AP1AR: variants seen among roughly 807,000 people sequenced by gnomAD.
AP1AR encodes AP-1 complex-associated regulatory protein.
A neutral mutation model predicts 46.3 loss-of-function variants in AP1AR; 29 were observed. The observed-to-expected ratio is 0.63, with a 90% CI of 0.47 to 0.85. AP1AR has a LOEUF of 0.85. Ranked by LOEUF, AP1AR falls within the 40% of genes least tolerant of loss-of-function variation. AP1AR has a pLI of 0.00. For missense variants in AP1AR, 357 were observed against 356.3 expected, an observed-to-expected ratio of 1.00 and a Z score of -0.02; for synonymous variants, 122 against 122.9, an observed-to-expected ratio of 0.99 and a Z score of 0.05.
chr4:112,244,124 G>A (rs1725624153), intron 1 of AP1AR, among the ~76,000 whole-genome samples: 1 of 152,100 alleles, frequency 6.6e-6, no homozygotes, highest in Non-Finnish European at 1.5e-5. Context: ...TGTAAGACTA[G>A]AACAACGTTT....
intron 4 of AP1AR, among the ~76,000 whole-genome samples, chr4:112,259,623 C>T (rs76466046): frequency 0.029 from 4,400 of 152,158 alleles, 191 homozygotes; most frequent in East Asian, 0.16. Flanking sequence ...GAGGTTTTTT[C>T]CTTAGTTTCT....
chr4:112,258,861 C>T (rs76173198), intron 4 of AP1AR, among the ~76,000 whole-genome samples: 8,554 of 152,064 alleles, frequency 0.056, 307 homozygotes, highest in Non-Finnish European at 0.086. Context: ...TAATATATAA[C>T]TAGGGCTAGC....
intron 1 of AP1AR, among the ~76,000 whole-genome samples, chr4:112,233,947 C>T (rs1237509019): frequency 1.3e-5 from 2 of 152,224 alleles, no homozygotes; most frequent in African/African-American, 2.4e-5. Flanking sequence ...CAACCTTCGC[C>T]TCCCGGGTTC....
chr4:112,239,654 T>C (rs1725396742), intron 1 of AP1AR, among the ~76,000 whole-genome samples: 1 of 152,246 alleles, frequency 6.6e-6, no homozygotes, highest in Admixed American at 6.5e-5. Context: ...TGCTGCCACA[T>C]TAATCCAGGC....
At chr4:112,237,304 C>T (rs1485277503) in intron 1 of AP1AR, among the ~76,000 whole-genome samples, 3 of 152,024 alleles carry the variant, frequency 2.0e-5, no homozygotes, top group South Asian at 2.1e-4. Flanking sequence ...GACGGGGTTT[C>T]GCCATGTTGG....
In AP1AR at chr4:112,270,052, G is replaced by C. The variant is rs981680691; in HGVS notation, c.*1643G>C. The stretch of plus-strand genomic sequence containing the variant: ...AATAAACACATTTTTACACTTAAAG[G>C]TAATAAGTTATTTGACTATTATTGG... On this transcript the variant is annotated 3_prime_UTR_variant, in exon 10 of 10. Coordinates refer to ENST00000274000, the MANE Select transcript of AP1AR (RefSeq NM_018569.6). The C allele has an allele frequency of 6.6e-6, 1 of 152,576 alleles. No homozygotes were observed. Among genetic ancestry groups the C allele is most frequent in the East Asian group, 1.9e-4 (1 of 5,182 alleles). The allele number at this position is 152,576 out of a possible 1,614,324, so 9.5% of individuals were successfully genotyped here. A position where few individuals can be genotyped will look rare whatever the true frequency, so the allele number is the denominator to read the frequency against.
Position 112,271,108 on chromosome 4 carries a change from T to C in AP1AR, c.*2699T>C, listed in dbSNP as rs1362909917. On this transcript the variant is annotated 3_prime_UTR_variant, in exon 10 of 10. Transcript: ENST00000274000. ...TACTGTAGGGGTAACACATCTGGCA[T>C]GGTGCCGTGGCTACCTTGCTCACTG... 6.6e-6 allele frequency among the ~76,000 whole-genome samples: 1 copy of C among 152,174 alleles called. No individual in the cohort carries two copies. The highest frequency in any genetic ancestry group is 1.5e-5 in the Non-Finnish European group (1 of 68,024).
chr4:112,260,697 T>C, intron 4 of AP1AR, 69 bp from the exon 5 acceptor site: 1 of 997,512 alleles, frequency 1.0e-6, no homozygotes, highest in Non-Finnish European at 1.4e-6. Context: ...TTTTTGAGTG[T>C]TTTATTTGGA....
intron 1 of AP1AR, 90 bp downstream of exon 1, chr4:112,232,264 G>A (rs1725044489): frequency 1.7e-6 from 2 of 1,154,274 alleles, no homozygotes; most frequent in African/African-American, 3.2e-5. Context: ...CCGGCGGCTG[G>A]AGGTGGCGGT....
At chr4:112,241,852 T>G (rs959854734) in intron 1 of AP1AR, among the ~76,000 whole-genome samples, 7 of 152,190 alleles carry the variant, frequency 4.6e-5, no homozygotes, top group Admixed American at 4.6e-4. Flanking sequence ...TTGTAATACT[T>G]TTTGCCAGGC....
chr4:112,242,266 A>G (rs1183891624), intron 1 of AP1AR, among the ~76,000 whole-genome samples: 1 of 152,176 alleles, frequency 6.6e-6, no homozygotes, highest in Non-Finnish European at 1.5e-5. Context: ...AAGTATCTCC[A>G]CTTTTGTACC....
At chr4:112,255,617 C>G (rs897943689) in intron 3 of AP1AR, among the ~76,000 whole-genome samples, 4 of 152,118 alleles carry the variant, frequency 2.6e-5, no homozygotes, top group Non-Finnish European at 4.4e-5. Flanking sequence ...GTCAGATTTT[C>G]TACATGTTTA....
chr4:112,255,290 C>G (rs1032212169), intron 3 of AP1AR, among the ~76,000 whole-genome samples: 2 of 151,078 alleles, frequency 1.3e-5, no homozygotes, highest in Non-Finnish European at 3.0e-5. Context: ...CTAAGATACA[C>G]TATATACACA....
At chr4:112,240,340 T>C (rs1001984526) in intron 1 of AP1AR, among the ~76,000 whole-genome samples, 2 of 152,224 alleles carry the variant, frequency 1.3e-5, no homozygotes, top group African/African-American at 4.8e-5. Flanking sequence ...CAAAACCATC[T>C]CCTACCCTCC....
chr4:112,232,546 C>T (rs1234175333), intron 1 of AP1AR, among the ~76,000 whole-genome samples: 1 of 152,244 alleles, frequency 6.6e-6, no homozygotes, highest in Non-Finnish European at 1.5e-5. Flanking sequence ...AACGCCAAAG[C>T]TAGTATCCCT....
In AP1AR at chr4:112,242,341, G is replaced by A. The variant is rs915162042; in HGVS notation, c.83+10167G>A. 3.3e-5 allele frequency among the ~76,000 whole-genome samples: 5 copies of A among 152,164 alleles called. No homozygotes were observed. In the East Asian group the frequency reaches 9.6e-4, roughly 29 times the overall value. On this transcript the variant is annotated intron_variant, in intron 1 of 9. Transcript: ENST00000274000. The stretch of plus-strand genomic sequence containing the variant: ...CCATCGTTCAGAGTATTATTCTCCA[G>A]GAACCAGTCATAGCCTTTCTTTTCT...
intron 4 of AP1AR, among the ~76,000 whole-genome samples, chr4:112,258,910 C>A (rs752530776): frequency 7.9e-5 from 12 of 152,048 alleles, no homozygotes; most frequent in Non-Finnish European, 1.8e-4. Flanking sequence ...GGAGATAATA[C>A]CTATAAATGG....
At chr4:112,249,151 G>T (rs1054033139) in intron 1 of AP1AR, among the ~76,000 whole-genome samples, 1 of 152,032 alleles carries the variant, frequency 6.6e-6, no homozygotes, top group African/African-American at 2.4e-5. Context: ...AAAATTAGCG[G>T]GGCGTGGTGG....
chr4:112,268,169 A>T lies in AP1AR; in HGVS notation c.669A>T (p.Arg223Ser). The T allele has an allele frequency of 1.3e-6, 2 of 1,583,346 alleles. No individual in the cohort carries two copies. Among genetic ancestry groups the T allele is most frequent in the Non-Finnish European group, 1.7e-6 (2 of 1,165,330 alleles). ...EEGMNRMLPM[R>S]ERSKTEEDIL... ...GAATGAATAGAATGCTTCCAATGAG[A>T]GAACGTTCCAAAACAGAGGAAGACA... Residue 223 changes from arginine to serine, a missense_variant, in exon 10 of 10, where the codon AGA becomes AGT. By Grantham distance (110) the Arg-to-Ser change is moderately radical. This residue lies in a region of AP1AR where 88 missense variants were observed against 132.7 expected (regional missense o/e 0.66). Coordinates refer to ENST00000274000, the MANE Select transcript of AP1AR (RefSeq NM_018569.6).
Sources: gnomAD v4.1 joint callset for allele counts (sites outside exome capture counted in the v4.1 genomes callset) on GRCh38, gnomAD v4.1.1 for gene constraint, gnomAD v4.1.1 regional missense constraint, MANE v1.5 for transcripts, NCBI Gene and HGNC (gene_info 2026-07-23, HGNC 2026-07-21) for gene names.